CACNA2D3: variants seen among roughly 807,000 people sequenced by gnomAD.
The protein encoded by CACNA2D3 is voltage-dependent calcium channel subunit alpha-2/delta-3.
Under a neutral mutation model 160.6 loss-of-function variants are expected in CACNA2D3, and 60 were observed. The observed-to-expected ratio is 0.37, with a 90% CI of 0.30 to 0.46. The LOEUF is 0.46. Among genes scored for constraint, CACNA2D3 ranks in the 20% least tolerant of loss-of-function variants. CACNA2D3 has a pLI of 1.00. For missense variants in CACNA2D3, 1,205 were observed against 1,365.0 expected, an observed-to-expected ratio of 0.88 and a Z score of 1.85; for synonymous variants, 558 against 492.9, an observed-to-expected ratio of 1.13 and a Z score of -1.75.
At chr3:54,777,460 T>C (rs1255545045) in intron 13 of CACNA2D3, among the ~76,000 whole-genome samples, 1 of 152,218 alleles carries the variant, frequency 6.6e-6, no homozygotes, top group Non-Finnish European at 1.5e-5. Flanking sequence ...AATTTCTCTC[T>C]TGTTCTGAAC....
At chr3:54,556,251 T>C (rs1702240557) in intron 5 of CACNA2D3, among the ~76,000 whole-genome samples, 1 of 152,130 alleles carries the variant, frequency 6.6e-6, no homozygotes. Context: ...TCGTCCCAAA[T>C]TTAGGGTGGT....
chr3:55,053,705 A>G (rs1333069790), intron 35 of CACNA2D3, among the ~76,000 whole-genome samples: 2 of 151,976 alleles, frequency 1.3e-5, no homozygotes, highest in Admixed American at 1.3e-4. Context: ...ATTTCCTACA[A>G]ATATGGACAT....
chr3:54,711,992 T>A (rs1028551382), intron 11 of CACNA2D3, among the ~76,000 whole-genome samples: 1 of 152,112 alleles, frequency 6.6e-6, no homozygotes, highest in Non-Finnish European at 1.5e-5. Context: ...TAGAGACAAT[T>A]TTGAGTAGGA....
At chr3:54,497,626 A>T (rs544583089) in intron 4 of CACNA2D3, among the ~76,000 whole-genome samples, 1 of 152,066 alleles carries the variant, frequency 6.6e-6, no homozygotes, top group South Asian at 2.1e-4. Context: ...ATTTGCCAGG[A>T]CCACCTTTAC....
intron 5 of CACNA2D3, among the ~76,000 whole-genome samples, chr3:54,522,171 AATATGAG>A (rs1259870668): frequency 6.6e-6 from 1 of 152,098 alleles, no homozygotes; most frequent in Non-Finnish European, 1.5e-5. Context: ...TAAATCCATG[AATATGAG>A]ATATATTTTT....
chr3:54,347,447 T>C (rs575525890), intron 3 of CACNA2D3, among the ~76,000 whole-genome samples: 20 of 152,220 alleles, frequency 1.3e-4, no homozygotes, highest in Non-Finnish European at 2.8e-4. Flanking sequence ...TACTCTGCCT[T>C]ATTAATAAGT....
intron 27 of CACNA2D3, among the ~76,000 whole-genome samples, chr3:54,948,978 C>T (rs1361448133): frequency 6.6e-6 from 1 of 152,220 alleles, no homozygotes; most frequent in Non-Finnish European, 1.5e-5. Context: ...GCTTCAGGTA[C>T]AGTTGGATCT....
intron 11 of CACNA2D3, among the ~76,000 whole-genome samples, chr3:54,642,656 C>G (rs919652040): frequency 2.6e-5 from 4 of 152,180 alleles, no homozygotes; most frequent in African/African-American, 9.7e-5. Context: ...CCACGGCCCC[C>G]ATTACCACCC....
At position 54,924,780 on chromosome 3, in the gene CACNA2D3, A is replaced by G. The variant is rs758913497; in HGVS notation, c.2449+24912A>G. ...GTTTTGTTGAACCGCAAGTATAGTT[A>G]GGTTCTCCCAAGTCTCTCCCAAGGA... is the stretch of plus-strand genomic sequence containing the variant. On this transcript the variant is annotated intron_variant, in intron 27 of 37. Coordinates refer to ENST00000474759, the MANE Select transcript of CACNA2D3 (RefSeq NM_018398.3). 9.3e-6 allele frequency: 15 copies of G among 1,614,002 alleles called. No homozygotes were observed. Among genetic ancestry groups the G allele is most frequent in the Admixed American group, 3.3e-5 (2 of 59,992 alleles).
chr3:54,758,656 C>T (rs191890504), intron 12 of CACNA2D3, among the ~76,000 whole-genome samples: 14 of 152,218 alleles, frequency 9.2e-5, no homozygotes, highest in Non-Finnish European at 1.9e-4. Context: ...CCAAGAACAC[C>T]ATTGCTCATA....
chr3:54,802,361 C>T (rs545510904), intron 13 of CACNA2D3, among the ~76,000 whole-genome samples: 66 of 152,174 alleles, frequency 4.3e-4, no homozygotes, highest in African/African-American at 1.5e-3. Flanking sequence ...CCTGACCTAT[C>T]CAATATTATT....
intron 5 of CACNA2D3, among the ~76,000 whole-genome samples, chr3:54,509,286 TGTGTTTGTG>T (rs1701420064): frequency 3.3e-5 from 1 of 29,998 alleles, no homozygotes; most frequent in South Asian, 4.9e-3. Flanking sequence ...CACGTGTGTG[TGTGTTTGTG>T]TGTGTGTGTG....
intron 17 of CACNA2D3, among the ~76,000 whole-genome samples, chr3:54,848,446 G>A (rs143741362): frequency 0.011 from 1,739 of 152,308 alleles, 35 homozygotes; most frequent in African/African-American, 0.04. Flanking sequence ...CCCATATTCT[G>A]TTTGTGAGAA....
chr3:54,986,638 G>A (rs1419832470), intron 30 of CACNA2D3, among the ~76,000 whole-genome samples: 3 of 152,108 alleles, frequency 2.0e-5, no homozygotes, highest in African/African-American at 7.2e-5. Flanking sequence ...GTGTGGTTGA[G>A]GTCACTCAGT....
chr3:54,653,742 C>A (rs979472536), intron 11 of CACNA2D3, among the ~76,000 whole-genome samples: 2 of 152,200 alleles, frequency 1.3e-5, no homozygotes, highest in African/African-American at 4.8e-5. Flanking sequence ...CAGGGGCCCA[C>A]GACAGATGCA....
At chr3:54,854,932 C>T (rs73843721) in intron 17 of CACNA2D3, among the ~76,000 whole-genome samples, 2,475 of 152,258 alleles carry the variant, frequency 0.016, 64 homozygotes, top group African/African-American at 0.056. Flanking sequence ...CTGGGTCCCT[C>T]TTGCCAGCAA....
intron 2 of CACNA2D3, among the ~76,000 whole-genome samples, chr3:54,189,343 T>C (rs1027674403): frequency 6.6e-6 from 1 of 152,152 alleles, no homozygotes; most frequent in Non-Finnish European, 1.5e-5. Context: ...AGGGCTTGGG[T>C]GTTCCATCCA....
At chr3:54,253,252 A>G (rs192285103) in intron 2 of CACNA2D3, among the ~76,000 whole-genome samples, 3 of 152,198 alleles carry the variant, frequency 2.0e-5, no homozygotes, top group Admixed American at 2.0e-4. Context: ...TCACCTTGCT[A>G]TAAAGAAATA....
chr3:54,562,797 C>G lies in CACNA2D3; in HGVS notation c.545-3C>G, dbSNP rs765438864. 1.2e-6 allele frequency: 2 copies of G among 1,610,254 alleles called. No homozygotes were observed. Among genetic ancestry groups the G allele is most frequent in the Non-Finnish European group, 1.7e-6 (2 of 1,177,410 alleles). On this transcript the variant is annotated splice_polypyrimidine_tract_variant and splice_region_variant and intron_variant, in intron 5 of 37. Coordinates refer to ENST00000474759, the MANE Select transcript of CACNA2D3 (RefSeq NM_018398.3). ...CCCCTCTCTCTCTCTTTCTTTTTTA[C>G]AGACCCTGCAATTGTCAATGGGGTT...
Sources: allele counts gnomAD v4.1 joint callset (sites outside exome capture counted in the v4.1 genomes callset), GRCh38; gene constraint gnomAD v4.1.1; transcripts MANE v1.5; gene names NCBI Gene and HGNC (gene_info 2026-07-23, HGNC 2026-07-21).